Variants in KIAA1217 observed in about 807,000 individuals in gnomAD.
The protein encoded by KIAA1217 is sickle tail protein homolog.
In KIAA1217, 88 loss-of-function variants were observed where a neutral mutation model predicts 163.9. That is an observed-to-expected ratio of 0.54 (90% CI 0.45 to 0.64). The LOEUF (loss-of-function observed/expected upper bound fraction) is 0.64. KIAA1217 is among the 30% of genes least tolerant of loss of function. The pLI, the probability that KIAA1217 is intolerant of heterozygous loss-of-function variation, is 0.00. For missense variants in KIAA1217, 2,372 were observed against 2,475.0 expected (o/e 0.96, Z 0.88); for synonymous variants, 903 against 923.1 (o/e 0.98, Z 0.39).
At chr10:23,941,211 TA>T (rs1453903927) in intron 1 of KIAA1217, among the ~76,000 whole-genome samples, 1 of 152,234 alleles carries the variant, frequency 6.6e-6, no homozygotes, top group Non-Finnish European at 1.5e-5. Flanking sequence ...TTGAAATTTT[TA>T]AAATATTATC....
chr10:23,761,273 C>G (rs1025141205), intron 1 of KIAA1217, among the ~76,000 whole-genome samples: 26 of 152,186 alleles, frequency 1.7e-4, no homozygotes, highest in African/African-American at 6.0e-4. Context: ...CAACCCTGAT[C>G]TGTTATTTCT....
intron 6 of KIAA1217, among the ~76,000 whole-genome samples, chr10:24,484,697 G>T (rs1218702425): frequency 6.6e-6 from 1 of 152,138 alleles, no homozygotes; most frequent in African/African-American, 2.4e-5. Context: ...AAAATTTGGG[G>T]ATTACAAGTG....
At chr10:23,809,769 CA>C (rs1208397329) in intron 1 of KIAA1217, among the ~76,000 whole-genome samples, 1 of 151,808 alleles carries the variant, frequency 6.6e-6, no homozygotes, top group African/African-American at 2.4e-5. Context: ...ACAATAGTAT[CA>C]AAAAAATTTA....
intron 2 of KIAA1217, among the ~76,000 whole-genome samples, chr10:24,065,552 T>A (rs930571979): frequency 2.0e-5 from 3 of 152,208 alleles, no homozygotes; most frequent in African/African-American, 7.2e-5. Flanking sequence ...GAGGAGTGCT[T>A]TACTTCCAAC....
At chr10:24,477,972 T>A (rs149344783) in intron 6 of KIAA1217, among the ~76,000 whole-genome samples, 2 of 152,340 alleles carry the variant, frequency 1.3e-5, no homozygotes, top group Admixed American at 6.5e-5. Flanking sequence ...CAATCCAATT[T>A]CTGTTGCAAT....
intron 2 of KIAA1217, among the ~76,000 whole-genome samples, chr10:24,335,584 T>TTTTTTTTATTTA (rs1554820370): frequency 7.9e-5 from 11 of 138,424 alleles, no homozygotes; most frequent in African/African-American, 1.4e-4. Context: ...TTTTATCTTA[T>TTTTTTTTATTTA]TTTATTTATT....
chr10:23,887,480 A>G (rs998874866), intron 1 of KIAA1217, among the ~76,000 whole-genome samples: 1 of 151,898 alleles, frequency 6.6e-6, no homozygotes, highest in African/African-American at 2.4e-5. Flanking sequence ...GAGGCTTTTC[A>G]CATCTCTGTC....
At chr10:24,176,843 C>T (rs936381947) in intron 2 of KIAA1217, among the ~76,000 whole-genome samples, 3 of 152,118 alleles carry the variant, frequency 2.0e-5, no homozygotes, top group East Asian at 1.9e-4. Flanking sequence ...TCAGGCATGG[C>T]GAGCTGCAGG....
chr10:24,076,675 T>A (rs1180727557), intron 2 of KIAA1217, among the ~76,000 whole-genome samples: 1 of 152,176 alleles, frequency 6.6e-6, no homozygotes, highest in Non-Finnish European at 1.5e-5. Context: ...GTCAGGATTC[T>A]CTGTCTCCAA....
At chr10:24,327,785 C>T (rs916611267) in intron 2 of KIAA1217, among the ~76,000 whole-genome samples, 2 of 152,082 alleles carry the variant, frequency 1.3e-5, no homozygotes, top group African/African-American at 4.8e-5. Flanking sequence ...TTTTTATTTC[C>T]ATTTTACTGA....
At chr10:24,022,795 G>T (rs916118601) in intron 2 of KIAA1217, among the ~76,000 whole-genome samples, 1 of 151,430 alleles carries the variant, frequency 6.6e-6, no homozygotes, top group Non-Finnish European at 1.5e-5. Flanking sequence ...AAGCTATCAA[G>T]CCATGGAAAG....
chr10:24,119,581 A>T (rs775496987), intron 2 of KIAA1217, among the ~76,000 whole-genome samples: 3 of 152,210 alleles, frequency 2.0e-5, no homozygotes, highest in Non-Finnish European at 2.9e-5. Context: ...GAACTCCAGG[A>T]ATCCAGAGCT....
intron 1 of KIAA1217, among the ~76,000 whole-genome samples, chr10:23,751,006 GT>G (rs140629408): frequency 0.032 from 3,720 of 115,052 alleles, 133 homozygotes; most frequent in African/African-American, 0.11. Flanking sequence ...CCTTCCCTTT[GT>G]TTTTTTTTTG....
chr10:24,230,300 A>T (rs771106087), intron 2 of KIAA1217, among the ~76,000 whole-genome samples: 2 of 152,082 alleles, frequency 1.3e-5, no homozygotes, highest in Admixed American at 6.6e-5. Context: ...TATCTGCATT[A>T]TATACTTACT....
chr10:23,854,675 T>C lies in KIAA1217; in HGVS notation c.-320-152550T>C, dbSNP rs1839553771. ...AGTCTCTTTGTAGTTCACTCAGGAC[T>C]TGCTTTATGAATCTGAGTGCTCTTG... On this transcript the variant is annotated intron_variant, in intron 1 of 18. Transcript: ENST00000376462. 2.6e-5 allele frequency among the ~76,000 whole-genome samples: 4 copies of C among 152,358 alleles called. No individual in the cohort carries two copies. In the South Asian group the frequency reaches 8.3e-4, roughly 32 times the overall value.
rs575635071 is a variant in KIAA1217 at position 23,730,757 on chromosome 10, T to C, written c.-321+35523T>C. ...TTTTATTTTTGAGGAGATGCTAATA[T>C]AAATGATAATGTGTTTTAATCTCAA... On this transcript the variant is annotated intron_variant, in intron 1 of 18. Coordinates refer to the KIAA1217 transcript ENST00000376462. Among the ~76,000 whole-genome samples the C allele has an allele frequency of 4.0e-5, 6 of 151,532 alleles. No individual in the cohort carries two copies. The South Asian group carries it at 1.3e-3, about 32-fold the overall frequency.
At chr10:24,286,788 G>A (rs2078586827) in intron 2 of KIAA1217, among the ~76,000 whole-genome samples, 1 of 152,104 alleles carries the variant, frequency 6.6e-6, no homozygotes, top group Admixed American at 6.6e-5. Context: ...CTGTTCCGTA[G>A]TTTCTCACCA....
chr10:23,850,024 G>A (rs905214694), intron 1 of KIAA1217, among the ~76,000 whole-genome samples: 1 of 152,142 alleles, frequency 6.6e-6, no homozygotes, highest in South Asian at 2.1e-4. Context: ...CAAACCAGGA[G>A]GCTATTTTTA....
intron 2 of KIAA1217, among the ~76,000 whole-genome samples, chr10:24,234,656 CAAAAAAAAAA>C (rs71397938): frequency 1.4e-4 from 10 of 73,386 alleles, no homozygotes; most frequent in South Asian, 5.9e-4. Flanking sequence ...AAAACTGTCT[CAAAAAAAAAA>C]AAAAAAAAAA....
Sources: allele counts gnomAD v4.1 joint callset (sites outside exome capture counted in the v4.1 genomes callset), GRCh38; gene constraint gnomAD v4.1.1; transcripts MANE v1.5; gene names NCBI Gene and HGNC (gene_info 2026-07-23, HGNC 2026-07-21).